The following DPYD variants were observed in gnomAD, a reference collection of about 807,000 sequenced individuals.
DPYD encodes the protein dihydropyrimidine dehydrogenase [NADP(+)].
Under a neutral mutation model 116.2 loss-of-function variants are expected in DPYD, and 109 were observed. That is an observed-to-expected ratio of 0.94 (90% CI 0.80 to 1.10). The LOEUF (loss-of-function observed/expected upper bound fraction) is 1.10. DPYD is among the 50% of genes least tolerant of loss of function. The probability of loss-of-function intolerance (pLI) is 0.00; values close to 1 mark genes in which losing one functional copy is unlikely to be tolerated. For synonymous variants in DPYD, 440 were observed against 432.0 expected, an observed-to-expected ratio of 1.02 and a Z score of -0.23; for missense variants, 1,302 against 1,254.5, an observed-to-expected ratio of 1.04 and a Z score of -0.57.
chr1:97,650,951 T>C (rs563072556), intron 8 of DPYD, among the ~76,000 whole-genome samples: 1 of 152,216 alleles, frequency 6.6e-6, no homozygotes, highest in South Asian at 2.1e-4. Context: ...GTCACCTAAC[T>C]AAAAATTGTT....
intron 16 of DPYD, among the ~76,000 whole-genome samples, chr1:97,337,059 A>C (rs1465765105): frequency 6.6e-6 from 1 of 152,162 alleles, no homozygotes; most frequent in Non-Finnish European, 1.5e-5. Context: ...TGGAGAGTGG[A>C]AGCAAAGAAT....
At chr1:97,282,908 G>T (rs1301841692) in intron 18 of DPYD, among the ~76,000 whole-genome samples, 3 of 152,008 alleles carry the variant, frequency 2.0e-5, no homozygotes, top group Non-Finnish European at 2.9e-5. Context: ...ACTTTCATAT[G>T]CTGTGTAGTA....
In DPYD at chr1:97,317,012, G is replaced by A. The variant is rs1321276624; in HGVS notation, c.2059-10715C>T. ...CACAGGCAAACAAAAAACTCTTCGA[G>A]AGCCATACATTGGCCATATTTCGCA... On this transcript the variant is annotated intron_variant, in intron 16 of 22. Coordinates refer to ENST00000370192, the MANE Select transcript of DPYD (RefSeq NM_000110.4). Among the ~76,000 whole-genome samples the A allele has an allele frequency of 5.8e-4, 88 of 151,754 alleles. 2 individuals are homozygous for A. The highest frequency in any genetic ancestry group is 8.8e-5 in the Non-Finnish European group (6 of 67,930).
At position 97,234,433 on chromosome 1, in the gene DPYD, T is replaced by C. The variant is rs967769879; in HGVS notation, c.2442+419A>G. Among the ~76,000 whole-genome samples, 4 of 152,182 alleles carry C rather than the reference T, an allele frequency of 2.6e-5. No individual in the cohort carries two copies. In the East Asian group the frequency reaches 7.7e-4, roughly 29 times the overall value. On this transcript the variant is annotated intron_variant, in intron 19 of 22. Coordinates refer to ENST00000370192, the MANE Select transcript of DPYD (RefSeq NM_000110.4). Reference sequence around the variant, plus strand: ...TTTAAAAGTTATAAAGCTAATAATTTATTTCTTTGGCTGCCAGGAATCTCA... The same window carrying C: ...TTTAAAAGTTATAAAGCTAATAATTCATTTCTTTGGCTGCCAGGAATCTCA...
intron 16 of DPYD, among the ~76,000 whole-genome samples, chr1:97,354,214 T>C (rs977413972): frequency 6.6e-6 from 1 of 152,178 alleles, no homozygotes; most frequent in Non-Finnish European, 1.5e-5. Flanking sequence ...CATTTGGTCA[T>C]AGGCATAGAG....
intron 15 of DPYD, among the ~76,000 whole-genome samples, chr1:97,378,462 G>A (rs139090364): frequency 0.017 from 2,554 of 152,236 alleles, 36 homozygotes; most frequent in Non-Finnish European, 0.026. Context: ...CAGGAATAGT[G>A]TGGTCACTTG....
In DPYD at chr1:97,193,179, G is replaced by A. The variant is rs1292887398; in HGVS notation, c.2512C>T (p.Leu838Phe). 3.1e-6 allele frequency: 5 copies of A among 1,613,980 alleles called. No homozygotes were observed. Among genetic ancestry groups the A allele is most frequent in the Non-Finnish European group, 4.2e-6 (5 of 1,179,948 alleles). The change falls in exon 20 of 23, where the codon CTT (leucine) becomes TTT (phenylalanine). Residue 838 changes from leucine (L) to phenylalanine (F), a missense_variant. Leu to Phe is a conservative substitution (Grantham distance 22). Coordinates refer to ENST00000370192, the MANE Select transcript of DPYD (RefSeq NM_000110.4). ...EDYCTGLKAL[L>F]YLKSIEELQD... ...AGTTCTTCAATGCTTTTCAGATAAAGCAGGGCTTTGAGGCCAGTGCAGTAG... is the reference window on the plus strand; with the variant it reads ...AGTTCTTCAATGCTTTTCAGATAAAACAGGGCTTTGAGGCCAGTGCAGTAG...
chr1:97,455,409 T>A (rs1676626585), intron 13 of DPYD, among the ~76,000 whole-genome samples: 1 of 151,952 alleles, frequency 6.6e-6, no homozygotes, highest in African/African-American at 2.4e-5. Flanking sequence ...ATGTTTTAAT[T>A]ATTTGGTTTT....
intron 13 of DPYD, among the ~76,000 whole-genome samples, chr1:97,510,453 AG>A (rs1647703118): frequency 6.6e-6 from 1 of 152,022 alleles, no homozygotes; most frequent in African/African-American, 2.4e-5. Flanking sequence ...CTCAGTAAAA[AG>A]AAACTAAAAC....
chr1:97,193,200 A>C lies in DPYD; in HGVS notation c.2491T>G (p.Cys831Gly). Residue 831 changes from cysteine to glycine, a missense_variant, in exon 20 of 23, where the codon TGC becomes GGC. Coordinates refer to ENST00000370192, the MANE Select transcript of DPYD (RefSeq NM_000110.4). The part of the protein sequence containing the change: ...NQDFTVIEDY[C>G]TGLKALLYLK... ...TAAAGCAGGGCTTTGAGGCCAGTGCAGTAGTCTTCGATCACAGTGAAATCC... is the reference window on the plus strand; with the variant it reads ...TAAAGCAGGGCTTTGAGGCCAGTGCCGTAGTCTTCGATCACAGTGAAATCC... 3.1e-6 allele frequency: 5 copies of C among 1,613,964 alleles called. No homozygotes were observed. Among genetic ancestry groups the C allele is most frequent in the Non-Finnish European group, 4.2e-6 (5 of 1,179,948 alleles).
chr1:97,245,119 A>C (rs1287497818), intron 18 of DPYD, among the ~76,000 whole-genome samples: 1 of 151,978 alleles, frequency 6.6e-6, no homozygotes, highest in Non-Finnish European at 1.5e-5. Context: ...TAAATTATTC[A>C]CTCGTTATTT....
chr1:97,274,885 A>G (rs1664837402), intron 18 of DPYD, among the ~76,000 whole-genome samples: 1 of 152,156 alleles, frequency 6.6e-6, no homozygotes, highest in Non-Finnish European at 1.5e-5. Context: ...ATAAGAAATT[A>G]TATGTAGAAT....
At chr1:97,581,862 G>A (rs1388350164) in intron 10 of DPYD, among the ~76,000 whole-genome samples, 1 of 151,888 alleles carries the variant, frequency 6.6e-6, no homozygotes, top group Non-Finnish European at 1.5e-5. Flanking sequence ...GGAAGTTCTT[G>A]TATGGAATCC....
At position 97,839,429 on chromosome 1, in the gene DPYD, G is replaced by A. The variant is rs79557752; in HGVS notation, c.151-11233C>T. On this transcript the variant is annotated intron_variant, in intron 2 of 22. Coordinates refer to ENST00000370192, the MANE Select transcript of DPYD (RefSeq NM_000110.4). The stretch of plus-strand genomic sequence containing the variant: ...CGTTTTATGTTGCAGCTTTTTGTGT[G>A]GGGTATGTGTGTGTACTTCTTGTTT... 1.0e-2 allele frequency among the ~76,000 whole-genome samples: 1,513 copies of A among 152,026 alleles called. 26 individuals carry two copies. The highest frequency in any genetic ancestry group is 0.035 in the African/African-American group (1,434 of 41,460).
At chr1:97,198,593 T>G (rs1400068964) in intron 19 of DPYD, among the ~76,000 whole-genome samples, 6 of 152,216 alleles carry the variant, frequency 3.9e-5, no homozygotes, top group Non-Finnish European at 5.9e-5. Context: ...TAAATCGTTC[T>G]TGTTAAAACT....
intron 11 of DPYD, among the ~76,000 whole-genome samples, chr1:97,568,471 G>A (rs1016816220): frequency 8.6e-5 from 13 of 152,008 alleles, no homozygotes; most frequent in African/African-American, 3.1e-4. Context: ...TGAGGACCAT[G>A]AAGAACAGGT....
At chr1:97,697,705 T>C (rs1203700598) in intron 6 of DPYD, among the ~76,000 whole-genome samples, 1 of 151,918 alleles carries the variant, frequency 6.6e-6, no homozygotes, top group Non-Finnish European at 1.5e-5. Flanking sequence ...AGCAAATAAA[T>C]TTAAAAAAAA....
chr1:97,242,124 G>GTATATATA lies in DPYD; in HGVS notation c.2300-7138_2300-7131dup, dbSNP rs71590220. Among the ~76,000 whole-genome samples the GTATATATA allele has an allele frequency of 3.2e-3, 115 of 35,824 alleles. 1 individual carries two copies. Among genetic ancestry groups the GTATATATA allele is most frequent in the Non-Finnish European group, 5.2e-3 (106 of 20,500 alleles). The allele number at this position is 35,824 out of a possible 152,430, so 23.5% of individuals were successfully genotyped here. On this transcript the variant is annotated intron_variant, in intron 18 of 22. Coordinates refer to ENST00000370192, the MANE Select transcript of DPYD (RefSeq NM_000110.4). ...TAATTTGCAACGTGTGTGTGCGTGT[G>GTATATATA]TATATATATATATATATATATATAT... is the stretch of plus-strand genomic sequence containing the variant.
chr1:97,080,641 C>T (rs151048867), intron 22 of DPYD, among the ~76,000 whole-genome samples: 123 of 152,146 alleles, frequency 8.1e-4, no homozygotes, highest in African/African-American at 2.8e-3. Context: ...TGAGTAAAAA[C>T]GATTTATCTT....
Sources: allele counts gnomAD v4.1 joint callset (sites outside exome capture counted in the v4.1 genomes callset), GRCh38; gene constraint gnomAD v4.1.1; transcripts MANE v1.5; gene names NCBI Gene and HGNC (gene_info 2026-07-23, HGNC 2026-07-21).